STARD9: variants seen among roughly 807,000 people sequenced by gnomAD.
The protein encoded by STARD9 is stAR-related lipid transfer protein 9.
In STARD9, 346 loss-of-function variants were observed where a neutral mutation model predicts 399.8. That is an observed-to-expected ratio of 0.87 (90% CI 0.79 to 0.95). STARD9 has a LOEUF of 0.95. Among genes scored for constraint, STARD9 ranks in the 40% least tolerant of loss-of-function variants. STARD9 has a pLI of 0.00. For synonymous variants in STARD9, 2,203 were observed against 2,143.5 expected (o/e 1.03, Z -0.77); for missense variants, 5,832 against 5,667.5 (o/e 1.03, Z -0.93).
intron 9 of STARD9, among the ~76,000 whole-genome samples, chr15:42,658,955 A>G (rs2059935750): frequency 1.3e-5 from 2 of 152,136 alleles, no homozygotes; most frequent in Admixed American, 6.5e-5. Context: ...TCTACTAAAA[A>G]TACAAAAATT....
chr15:42,585,014 A>T (rs998725614), intron 2 of STARD9, among the ~76,000 whole-genome samples: 2 of 152,196 alleles, frequency 1.3e-5, no homozygotes, highest in African/African-American at 4.8e-5. Flanking sequence ...TCATGAACAA[A>T]ATTATTAAAA....
intron 25 of STARD9, 131 bp downstream of exon 25, chr15:42,695,454 A>C (rs925124310): frequency 1.1e-6 from 1 of 919,974 alleles, no homozygotes; most frequent in Non-Finnish European, 1.6e-6. Flanking sequence ...CCTGTTGTCA[A>C]CTCAAAGCTG....
chr15:42,690,572 T>G lies in STARD9; in HGVS notation c.8994T>G (p.Cys2998Trp), dbSNP rs952560546. ...CCCCACATACTATCCACCCACCCTG[T>G]GTAGTACCTTCCAGGGCCTATGAAA... ...KAAPHTIHPP[C>W]VVPSRAYEMD... The change falls in exon 23 of 33, where the codon TGT (cysteine) becomes TGG (tryptophan). Residue 2998 changes from cysteine to tryptophan, a missense_variant. Around this residue, in one of 2 missense-constraint regions of STARD9, gnomAD observed 5,828 missense variants for 5,651.1 expected, o/e 1.03. Coordinates refer to ENST00000290607, the MANE Select transcript of STARD9 (RefSeq NM_020759.3). The G allele has an allele frequency of 6.5e-7, 1 of 1,537,150 alleles. No homozygotes were observed. The highest frequency in any genetic ancestry group is 8.7e-7 in the Non-Finnish European group (1 of 1,146,840).
Position 42,719,481 on chromosome 15 carries a change from T to C in STARD9, c.14010T>C (p.Leu4670=). 1 of 1,536,104 alleles carries C rather than the reference T, an allele frequency of 6.5e-7. No homozygotes were observed. The highest frequency in any genetic ancestry group is 8.7e-7 in the Non-Finnish European group (1 of 1,145,870). ...TRVIYLAQVE[L]GAPGFPPQLL... Reference sequence around the variant, plus strand: ...TCTCTCTCTGCTTTCAGGTGGAACTTGGTGCTCCAGGCTTCCCACCTCAGC... The same window carrying C: ...TCTCTCTCTGCTTTCAGGTGGAACTCGGTGCTCCAGGCTTCCCACCTCAGC... The change falls in exon 33 of 33, where the codon CTT becomes CTC. Residue 4670 remains leucine (L), a synonymous_variant. Coordinates refer to ENST00000290607, the MANE Select transcript of STARD9 (RefSeq NM_020759.3).
intron 9 of STARD9, among the ~76,000 whole-genome samples, chr15:42,655,382 A>C (rs754399231): frequency 2.0e-5 from 3 of 152,256 alleles, no homozygotes; most frequent in Non-Finnish European, 2.9e-5. Context: ...CTGGGACAAA[A>C]ACAGGCATAT....
chr15:42,642,036 A>T (rs923753911), intron 7 of STARD9, among the ~76,000 whole-genome samples: 23 of 152,222 alleles, frequency 1.5e-4, no homozygotes, highest in Middle Eastern at 3.4e-3. Context: ...AAACTTTTTT[A>T]AAAAAATGTT....
chr15:42,710,989 C>CT (rs1024713467), intron 26 of STARD9, among the ~76,000 whole-genome samples: 3 of 147,808 alleles, frequency 2.0e-5, no homozygotes, highest in African/African-American at 2.5e-5. Flanking sequence ...TTTAATTTAA[C>CT]TTTTTTTTAA....
chr15:42,685,000 G>C lies in STARD9; in HGVS notation c.3422G>C (p.Ser1141Thr), dbSNP rs139807598. Residue 1141 changes from serine to threonine, a missense_variant, in exon 23 of 33, where the codon AGT becomes ACT. Ser to Thr is a moderately conservative substitution (Grantham distance 58). This residue lies in a region of STARD9 where 5,828 missense variants were observed against 5,651.1 expected (regional missense o/e 1.03). Coordinates refer to ENST00000290607, the MANE Select transcript of STARD9 (RefSeq NM_020759.3). ...TTCCCAGAGCCAGAGAACTCTGAAAGTGATGACAGCCAACTATCTGAGGAC... is the reference window on the plus strand; with the variant it reads ...TTCCCAGAGCCAGAGAACTCTGAAACTGATGACAGCCAACTATCTGAGGAC... ...WDFPEPENSE[S>T]DDSQLSEDSL... 1 of 1,537,008 alleles carries C rather than the reference G, an allele frequency of 6.5e-7. No homozygotes were observed.
chr15:42,693,083 C>T lies in STARD9; in HGVS notation c.11505C>T (p.Pro3835=), dbSNP rs1384567405. The change falls in exon 23 of 33, where the codon CCC becomes CCT. Residue 3835 remains proline (P), a synonymous_variant. Coordinates refer to ENST00000290607, the MANE Select transcript of STARD9 (RefSeq NM_020759.3). ...PVGQHLPSVS[P]SVSDAFLPPS... ...GGCAGCATCTTCCTTCTGTGAGCCC[C>T]TCAGTTTCTGATGCTTTCCTGCCTC... The T allele has an allele frequency of 6.5e-7, 1 of 1,537,136 alleles. No individual in the cohort carries two copies. Among genetic ancestry groups the T allele is most frequent in the Non-Finnish European group, 8.7e-7 (1 of 1,146,886 alleles).
intron 21 of STARD9, 31 bp downstream of exon 21, chr15:42,681,643 C>G: frequency 6.7e-7 from 1 of 1,499,618 alleles, no homozygotes; most frequent in Non-Finnish European, 8.9e-7. Context: ...GTGTCTGCCT[C>G]ACCTCCTTAT....
chr15:42,656,195 A>G (rs1444046227), intron 9 of STARD9, among the ~76,000 whole-genome samples: 1 of 151,982 alleles, frequency 6.6e-6, no homozygotes, highest in African/African-American at 2.4e-5. Flanking sequence ...GTATCTACTA[A>G]AAATAAAAAA....
Position 42,688,687 on chromosome 15 carries a change from A to C in STARD9, c.7109A>C (p.His2370Pro), listed in dbSNP as rs376600244. The C allele has an allele frequency of 7.8e-6, 12 of 1,537,718 alleles. No homozygotes were observed. Among genetic ancestry groups the C allele is most frequent in the Non-Finnish European group, 7.8e-6 (9 of 1,147,032 alleles). ...CTGGATCTCACAATGTTGAAAATTC[A>C]TAACAGTCCCTTGGTAACTGGAGTA... is the stretch of plus-strand genomic sequence containing the variant. ...CVLDLTMLKI[H>P]NSPLVTGVEH... Residue 2370 changes from histidine (H) to proline (P), a missense_variant, in exon 23 of 33, where the codon CAT becomes CCT. Transcript: ENST00000290607.
At chr15:42,667,093 G>T (rs2060117293) in intron 15 of STARD9, among the ~76,000 whole-genome samples, 1 of 152,104 alleles carries the variant, frequency 6.6e-6, no homozygotes, top group Non-Finnish European at 1.5e-5. Context: ...GGGATTACAG[G>T]CATGAACCAC....
At chr15:42,594,844 G>A (rs1253878251) in intron 3 of STARD9, among the ~76,000 whole-genome samples, 3 of 152,156 alleles carry the variant, frequency 2.0e-5, no homozygotes, top group Non-Finnish European at 4.4e-5. Flanking sequence ...CTGGGATGAG[G>A]AAATTGCCCT....
intron 30 of STARD9, 85 bp downstream of exon 30, chr15:42,718,264 T>G: frequency 7.3e-7 from 1 of 1,374,948 alleles, no homozygotes; most frequent in Non-Finnish European, 1.0e-6. Flanking sequence ...GGTGGAGGGT[T>G]GGAGGCAGCC....
At chr15:42,594,794 T>G (rs1393490398) in intron 3 of STARD9, among the ~76,000 whole-genome samples, 1 of 152,176 alleles carries the variant, frequency 6.6e-6, no homozygotes, top group Non-Finnish European at 1.5e-5. Context: ...AGGAAAGATC[T>G]TGTTCTTTAG....
At chr15:42,651,807 G>A (rs2059768208) in intron 8 of STARD9, among the ~76,000 whole-genome samples, 1 of 152,170 alleles carries the variant, frequency 6.6e-6, no homozygotes, top group Admixed American at 6.5e-5. Flanking sequence ...TGAGCTCCAT[G>A]ATTTTTCAGT....
chr15:42,698,047 G>GT (rs1469571288), intron 26 of STARD9, among the ~76,000 whole-genome samples: 1 of 152,110 alleles, frequency 6.6e-6, no homozygotes, highest in Non-Finnish European at 1.5e-5. Context: ...TTTTCACTCA[G>GT]TATAATTTGT....
At chr15:42,635,405 C>T (rs2059400645) in intron 4 of STARD9, among the ~76,000 whole-genome samples, 1 of 152,004 alleles carries the variant, frequency 6.6e-6, no homozygotes, top group East Asian at 1.9e-4. Context: ...TTTCAGTTCA[C>T]TGCAAGCTCC....
Sources: gnomAD v4.1 joint callset for allele counts (sites outside exome capture counted in the v4.1 genomes callset) on GRCh38, gnomAD v4.1.1 for gene constraint, gnomAD v4.1.1 regional missense constraint, MANE v1.5 for transcripts, NCBI Gene and HGNC (gene_info 2026-07-23, HGNC 2026-07-21) for gene names.